The following ST6GALNAC6 variants were observed in gnomAD, a reference collection of about 807,000 sequenced individuals.
The protein encoded by ST6GALNAC6 is ST6 N-acetylgalactosaminide alpha-2,6-sialyltransferase 6.
ST6GALNAC6 carries 19 observed loss-of-function variants against 34.3 expected under a neutral mutation model. The observed-to-expected ratio is 0.55, with a 90% confidence interval of 0.39 to 0.81. ST6GALNAC6 has a LOEUF of 0.81. Ranked by LOEUF, ST6GALNAC6 falls within the 40% of genes least tolerant of loss-of-function variation. ST6GALNAC6 has a pLI of 0.00. For synonymous variants in ST6GALNAC6, 185 were observed against 182.1 expected, an observed-to-expected ratio of 1.02 and a Z score of -0.13; for missense variants, 377 against 467.7, an observed-to-expected ratio of 0.81 and a Z score of 1.79.
upstream of ST6GALNAC6, among the ~76,000 whole-genome samples, chr9:127,902,496 T>C (rs1310781763): frequency 6.6e-6 from 1 of 152,054 alleles, no homozygotes; most frequent in South Asian, 2.1e-4. Flanking sequence ...TCTGGAATGA[T>C]GGGATCTGGG....
intron 2 of ST6GALNAC6, 195 bp downstream of exon 2, chr9:127,897,761 T>C (rs1460631389): frequency 2.2e-6 from 3 of 1,369,528 alleles, no homozygotes; most frequent in Non-Finnish European, 2.9e-6. Context: ...TCCAGCCGCC[T>C]ATATCTTACT....
At chr9:127,901,780 A>C (rs565743982), upstream of ST6GALNAC6, among the ~76,000 whole-genome samples, 1 of 152,080 alleles carries the variant, frequency 6.6e-6, no homozygotes, top group South Asian at 2.1e-4. Context: ...AAAAAAATAC[A>C]AAATTAGCCA....
chr9:127,902,506 G>T (rs1830793184), upstream of ST6GALNAC6, among the ~76,000 whole-genome samples: 1 of 151,438 alleles, frequency 6.6e-6, no homozygotes, highest in African/African-American at 2.4e-5. Flanking sequence ...TGGGATCTGG[G>T]GCTGCTTTTT....
intron 4 of ST6GALNAC6, among the ~76,000 whole-genome samples, chr9:127,891,824 C>G (rs976827461): frequency 2.7e-5 from 4 of 150,554 alleles, no homozygotes; most frequent in Non-Finnish European, 4.4e-5. Flanking sequence ...GGCAAGTGAC[C>G]AAAGAGCGAC....
chr9:127,898,379 G>C (rs570472309), intron 1 of ST6GALNAC6, among the ~76,000 whole-genome samples: 1 of 151,956 alleles, frequency 6.6e-6, no homozygotes, highest in African/African-American at 2.4e-5. Flanking sequence ...GCGACAGAGC[G>C]AGACTCCGTC....
At chr9:127,896,565 C>T (rs929609794) in intron 2 of ST6GALNAC6, among the ~76,000 whole-genome samples, 5 of 152,216 alleles carry the variant, frequency 3.3e-5, no homozygotes, top group East Asian at 1.9e-4. Flanking sequence ...TAAGCAGGGG[C>T]CTTCCCACAC....
rs1040924527 is a variant in ST6GALNAC6 at position 127,897,202 on chromosome 9, A to C, written c.26+754T>G. Reference sequence around the variant, plus strand: ...ACCCAGCTCCTTTCCAGGGTTCCCCACCTGTGAAAGGGAAAATGTACTGTG... The same window carrying C: ...ACCCAGCTCCTTTCCAGGGTTCCCCCCCTGTGAAAGGGAAAATGTACTGTG... On this transcript the variant is annotated intron_variant, in intron 2 of 6. Coordinates refer to ENST00000373146, the MANE Select transcript of ST6GALNAC6 (RefSeq NM_013443.5). The C allele has an allele frequency of 3.0e-6, 3 of 985,290 alleles. No homozygotes were observed. In the African/African-American group the frequency reaches 5.3e-5, roughly 17 times the overall value. 61.0% of individuals were successfully genotyped at this position (985,290 alleles called of 1,614,324 possible). A position where few individuals can be genotyped will look rare whatever the true frequency, so the allele number is the denominator to read the frequency against.
At chr9:127,893,604 G>GT (rs1455474532) in intron 4 of ST6GALNAC6, among the ~76,000 whole-genome samples, 1 of 152,146 alleles carries the variant, frequency 6.6e-6, no homozygotes, top group Non-Finnish European at 1.5e-5. Flanking sequence ...CTGAGTGCTA[G>GT]TTTTTTTGGC....
Position 127,887,477 on chromosome 9 carries a change from G to T in ST6GALNAC6, c.812+7C>A. On this transcript the variant is annotated splice_region_variant and intron_variant, in intron 6 of 6. Coordinates refer to ENST00000373146, the MANE Select transcript of ST6GALNAC6 (RefSeq NM_013443.5). ...GTCCTGGGAGGGCGCTGGCAAGGAG[G>T]GCTCACCTGCAGTAGTTGGGGGGGA... 6.2e-7 allele frequency: 1 copy of T among 1,608,094 alleles called. No homozygotes were observed. Among genetic ancestry groups the T allele is most frequent in the Non-Finnish European group, 8.5e-7 (1 of 1,176,442 alleles).
In ST6GALNAC6 at chr9:127,890,958, C is replaced by T. The variant is rs762260485; in HGVS notation, c.383G>A (p.Arg128Gln). ...ATTCATGCGGATTGTACACTCAGCC[C>T]GCTCGATCTCAGGGCCCAGCTTGGT... is the stretch of plus-strand genomic sequence containing the variant. Reference protein sequence around the residue: ...LGTKLGPEIERAECTIRMNDA... With the variant: ...LGTKLGPEIEQAECTIRMNDA... Residue 128 changes from arginine to glutamine, a missense_variant, in exon 5 of 7, where the codon CGG (arginine) becomes CAG (glutamine). Arg to Gln is a conservative substitution (Grantham distance 43). Transcript: ENST00000373146. This position sits in a 1 kb window ranked among gnomAD's most constrained non-coding sequence, Gnocchi z 4.3. 9.3e-6 allele frequency: 15 copies of T among 1,614,046 alleles called. No homozygotes were observed. In the Admixed American group the frequency reaches 1.0e-4, roughly 11 times the overall value.
upstream of ST6GALNAC6, among the ~76,000 whole-genome samples, chr9:127,901,020 A>G (rs1393365056): frequency 8.2e-6 from 1 of 122,314 alleles, no homozygotes; most frequent in Non-Finnish European, 1.7e-5. Context: ...AAAAAAAAAA[A>G]CTGTCTTGGA....
upstream of ST6GALNAC6, among the ~76,000 whole-genome samples, chr9:127,902,503 T>TG (rs1382343515): frequency 6.6e-6 from 1 of 152,058 alleles, no homozygotes. Flanking sequence ...TGATGGGATC[T>TG]GGGGCTGCTT....
upstream of ST6GALNAC6, chr9:127,904,525 G>A (rs1830863397): frequency 1.3e-5 from 2 of 152,214 alleles, no homozygotes; most frequent in African/African-American, 4.8e-5. Flanking sequence ...AGCTCTAAGA[G>A]ACCCCTCACC....
At chr9:127,888,875 G>A (rs1047659587) in intron 5 of ST6GALNAC6, among the ~76,000 whole-genome samples, 1 of 152,054 alleles carries the variant, frequency 6.6e-6, no homozygotes, top group Non-Finnish European at 1.5e-5. Context: ...CTAGGACCAA[G>A]GCAAGGAAGT....
intron 4 of ST6GALNAC6, among the ~76,000 whole-genome samples, chr9:127,894,061 A>C (rs1290484364): frequency 6.6e-6 from 1 of 151,920 alleles, no homozygotes; most frequent in Non-Finnish European, 1.5e-5. Context: ...AGCCTTGGTT[A>C]CTCCATCTCA....
At chr9:127,892,628 T>C (rs76147989) in intron 4 of ST6GALNAC6, among the ~76,000 whole-genome samples, 138 of 152,364 alleles carry the variant, frequency 9.1e-4, no homozygotes, top group African/African-American at 3.3e-3. Context: ...CTTAGCTTGC[T>C]TTTCTGCTAA....
rs189192067 is a variant in ST6GALNAC6, at chr9:127,898,427, T to G, written c.-29-417A>C. 1.0e-2 allele frequency among the ~76,000 whole-genome samples: 1,511 copies of G among 151,384 alleles called. 12 individuals are homozygous for G. Among genetic ancestry groups the G allele is most frequent in the Non-Finnish European group, 0.016 (1,080 of 67,872 alleles). On this transcript the variant is annotated intron_variant, in intron 1 of 6. Coordinates refer to ENST00000373146, the MANE Select transcript of ST6GALNAC6 (RefSeq NM_013443.5). ...ACAAAAATAAATAAATAAAATAAAA[T>G]AAAAGAAAGAAAGAAAGAAAAGAAA...
intron 3 of ST6GALNAC6, 84 bp downstream of exon 3, chr9:127,896,158 G>T: frequency 6.9e-7 from 1 of 1,456,862 alleles, no homozygotes; most frequent in South Asian, 1.1e-5. Context: ...CGTGGTGGCT[G>T]GGGTCTGAGA....
intron 5 of ST6GALNAC6, among the ~76,000 whole-genome samples, chr9:127,889,444 C>CTTT (rs200272209): frequency 7.2e-6 from 1 of 139,610 alleles, no homozygotes; most frequent in Non-Finnish European, 1.5e-5. Flanking sequence ...TCTTTTTTTT[C>CTTT]TTTTTTTTTT....
Sources: allele counts gnomAD v4.1 joint callset (sites outside exome capture counted in the v4.1 genomes callset), GRCh38; gene constraint gnomAD v4.1.1; non-coding constraint Gnocchi (gnomAD v3.1); transcripts MANE v1.5; gene names NCBI Gene and HGNC (gene_info 2026-07-23, HGNC 2026-07-21).